The following IGLON5 variants were observed in gnomAD, a reference collection of about 807,000 sequenced individuals.
IGLON5 encodes the protein IgLON family member 5.
In IGLON5, 16 loss-of-function variants were observed where a neutral mutation model predicts 38.2. That is an observed-to-expected ratio of 0.42 (90% CI 0.28 to 0.64). The LOEUF is 0.64. IGLON5 is among the 30% of genes least tolerant of loss of function. The pLI is 0.23. For missense variants in IGLON5, 366 were observed against 483.4 expected (o/e 0.76, Z 2.28); for synonymous variants, 207 against 216.4 (o/e 0.96, Z 0.38).
intron 1 of IGLON5, among the ~76,000 whole-genome samples, chr19:51,317,240 A>C (rs575183048): frequency 6.6e-6 from 1 of 152,206 alleles, no homozygotes; most frequent in South Asian, 2.1e-4. Context: ...CCCTCTGATC[A>C]CCGCCAGACA....
chr19:51,315,688 C>CTTTTTTTTTTTTTTTTTTTTTTTT (rs756194855), intron 1 of IGLON5, among the ~76,000 whole-genome samples: 1 of 82,580 alleles, frequency 1.2e-5, no homozygotes, highest in African/African-American at 4.5e-5. Flanking sequence ...GGAAGTCAAC[C>CTTTTTTTTTTTTTTTTTTTTTTTT]TTTTTTTTTT....
At chr19:51,328,028 A>C in intron 7 of IGLON5, 142 bp downstream of exon 7, 1 of 886,048 alleles carries the variant, frequency 1.1e-6, no homozygotes, top group East Asian at 2.9e-5. Flanking sequence ...TGCGAGTAAG[A>C]AACCGATCCA....
rs1246784898 is a variant in IGLON5, at chr19:51,327,671, G to A, written c.768-61G>A. 9 of 1,534,864 alleles carry A rather than the reference G, an allele frequency of 5.9e-6. No homozygotes were observed. Among genetic ancestry groups the A allele is most frequent in the Non-Finnish European group, 7.9e-6 (9 of 1,146,474 alleles). Reference sequence around the variant, plus strand: ...GTCACCGGGGAACGGAGGAGCCTGAGAGTCGGGGGGCTGGCCTGGCTGGGC... The same window carrying A: ...GTCACCGGGGAACGGAGGAGCCTGAAAGTCGGGGGGCTGGCCTGGCTGGGC... On this transcript the variant is annotated intron_variant, in intron 6 of 7. Transcript: ENST00000270642. The surrounding 1 kb of genome is among the most constrained non-coding windows in gnomAD (Gnocchi z 7.1).
chr19:51,327,622 C>A lies in IGLON5; in HGVS notation c.768-110C>A. The A allele has an allele frequency of 6.9e-7, 1 of 1,457,988 alleles. No individual in the cohort carries two copies. Among genetic ancestry groups the A allele is most frequent in the Non-Finnish European group, 9.1e-7 (1 of 1,094,186 alleles). The allele number at this position is 1,457,988 out of a possible 1,614,324, so 90.3% of individuals were successfully genotyped here. On this transcript the variant is annotated intron_variant, in intron 6 of 7. Coordinates refer to ENST00000270642, the MANE Select transcript of IGLON5 (RefSeq NM_001101372.3). This position sits in a 1 kb window ranked among gnomAD's most constrained non-coding sequence, Gnocchi z 7.1. ...TGCTAGAACCCGAGGCGATGGGTCACTGGGGTAGGGGGCAGAATGCTGGGT... is the reference window on the plus strand; with the variant it reads ...TGCTAGAACCCGAGGCGATGGGTCAATGGGGTAGGGGGCAGAATGCTGGGT...
At chr19:51,323,605 G>C in intron 2 of IGLON5, 57 bp from the exon 3 acceptor site, 1 of 1,474,684 alleles carries the variant, frequency 6.8e-7, no homozygotes, top group East Asian at 2.4e-5. Flanking sequence ...CCCCTCGGTG[G>C]GGGAAGCCTC....
chr19:51,328,097 A>T (rs1285370847), intron 7 of IGLON5, among the ~76,000 whole-genome samples: 1 of 152,268 alleles, frequency 6.6e-6, no homozygotes, highest in East Asian at 1.9e-4. Context: ...GCAGCTGTGC[A>T]CAAAAGAAAC....
At position 51,311,814 on chromosome 19, in the gene IGLON5, C is replaced by CT; in HGVS notation, c.-31dup. 3.4e-6 allele frequency: 2 copies of CT among 590,514 alleles called. No individual in the cohort carries two copies. The highest frequency in any genetic ancestry group is 4.8e-6 in the Non-Finnish European group (2 of 416,818). The allele number at this position is 590,514 out of a possible 1,614,324, so 36.6% of individuals were successfully genotyped here. ...CTCGCGCGCCCCGGACCGGCCCCCC[C>CT]TTTCCCCTCCCCCTCCGCGCCGCCT... On this transcript the variant is annotated 5_prime_UTR_variant, in exon 1 of 8. Transcript: ENST00000270642.
Position 51,314,474 on chromosome 19 carries a change from G to C in IGLON5, c.79+2548G>C, listed in dbSNP as rs916639378. Among the ~76,000 whole-genome samples, 19 of 152,330 alleles carry C rather than the reference G, an allele frequency of 1.2e-4. 5 individuals are homozygous for C. Among genetic ancestry groups the C allele is most frequent in the East Asian group, 5.8e-4 (3 of 5,182 alleles). On this transcript the variant is annotated intron_variant, in intron 1 of 7. Coordinates refer to ENST00000270642, the MANE Select transcript of IGLON5 (RefSeq NM_001101372.3). ...GCTGGGATTACAGGCATGAGCCACTGTCTGGCCCCCACATTCATTCTTAAA... is the reference window on the plus strand; with the variant it reads ...GCTGGGATTACAGGCATGAGCCACTCTCTGGCCCCCACATTCATTCTTAAA...
chr19:51,326,948 C>T (rs777637415), intron 5 of IGLON5, 50 bp downstream of exon 5: 6 of 1,573,138 alleles, frequency 3.8e-6, no homozygotes, highest in Non-Finnish European at 5.2e-6. Context: ...CCCCGAGTCC[C>T]TGGGGAGGAG....
intron 2 of IGLON5, among the ~76,000 whole-genome samples, chr19:51,323,461 G>A (rs930385201): frequency 2.0e-5 from 3 of 152,070 alleles, no homozygotes; most frequent in African/African-American, 7.3e-5. Context: ...CTATTGTTCC[G>A]TTCTGCAGTT....
At position 51,327,489 on chromosome 19, in the gene IGLON5, T is replaced by A. The variant is rs1985246800; in HGVS notation, c.768-243T>A. Among the ~76,000 whole-genome samples the A allele has an allele frequency of 6.6e-6, 1 of 151,858 alleles. No individual in the cohort carries two copies. The highest frequency in any genetic ancestry group is 1.5e-5 in the Non-Finnish European group (1 of 67,958). On this transcript the variant is annotated intron_variant, in intron 6 of 7. Coordinates refer to ENST00000270642, the MANE Select transcript of IGLON5 (RefSeq NM_001101372.3). This position sits in a 1 kb window ranked among gnomAD's most constrained non-coding sequence, Gnocchi z 7.1. ...GGCAAGATTTAGGGGACCAGCAGAGTTCAGGAGTCCCTAACGACTAGGGGT... is the reference window on the plus strand; with the variant it reads ...GGCAAGATTTAGGGGACCAGCAGAGATCAGGAGTCCCTAACGACTAGGGGT...
rs989521851 is a variant in IGLON5, at chr19:51,324,450, A to G, written c.391+556A>G. 4.6e-5 allele frequency among the ~76,000 whole-genome samples: 7 copies of G among 152,140 alleles called. No individual in the cohort carries two copies. The highest frequency in any genetic ancestry group is 1.4e-4 in the African/African-American group (6 of 41,440). The stretch of plus-strand genomic sequence containing the variant: ...AGCTCCACAGTGAGGCGAGAGGCAG[A>G]GGGCATCTGAAATGGTGGAGGGTAG... On this transcript the variant is annotated intron_variant, in intron 3 of 7. Coordinates refer to ENST00000270642, the MANE Select transcript of IGLON5 (RefSeq NM_001101372.3). The surrounding 1 kb of genome is among the most constrained non-coding windows in gnomAD (Gnocchi z 4.2).
intron 1 of IGLON5, 69 bp from the exon 2 acceptor site, chr19:51,321,995 G>A (rs1179090277): frequency 1.6e-6 from 2 of 1,245,842 alleles, no homozygotes; most frequent in Non-Finnish European, 2.3e-6. Context: ...GTGTGCACAT[G>A]TGTGCAGGTG....
chr19:51,327,074 C>A lies in IGLON5; in HGVS notation c.647-6C>A. The A allele has an allele frequency of 6.2e-7, 1 of 1,604,482 alleles. No homozygotes were observed. The highest frequency in any genetic ancestry group is 2.2e-5 in the East Asian group (1 of 44,664). ...GGAGAATTCGCTGACCCTTGCCCCT[C>A]GCCAGATCCTCCGACCATCACGGAC... On this transcript the variant is annotated splice_region_variant and splice_polypyrimidine_tract_variant and intron_variant, in intron 5 of 7. Coordinates refer to ENST00000270642, the MANE Select transcript of IGLON5 (RefSeq NM_001101372.3). The surrounding 1 kb of genome is among the most constrained non-coding windows in gnomAD (Gnocchi z 7.1).
chr19:51,322,425 TCCAGAGAGAAGGGGACAGAGATC>T (rs1568458574), intron 2 of IGLON5, among the ~76,000 whole-genome samples: 37 of 144,254 alleles, frequency 2.6e-4, no homozygotes, highest in African/African-American at 9.1e-4. Flanking sequence ...GGGACAGAGA[TCCAGAGAGAAGGGGACAGAGATC>T]CAGAGAGAAG....
intron 1 of IGLON5, among the ~76,000 whole-genome samples, chr19:51,320,919 G>A (rs1484278352): frequency 6.6e-6 from 1 of 152,118 alleles, no homozygotes; most frequent in Non-Finnish European, 1.5e-5. Flanking sequence ...ATATATGTGT[G>A]TTTCTGTGTG....
chr19:51,322,507 AG>A (rs545862994), intron 2 of IGLON5, among the ~76,000 whole-genome samples: 103 of 147,712 alleles, frequency 7.0e-4, no homozygotes, highest in African/African-American at 2.3e-3. Context: ...AGAGAGGGAC[AG>A]GGTTGCTGTT....
intron 1 of IGLON5, among the ~76,000 whole-genome samples, chr19:51,312,161 G>A (rs1218644259): frequency 1.3e-5 from 2 of 152,142 alleles, no homozygotes; most frequent in African/African-American, 4.8e-5. Flanking sequence ...CCGGAGCCGG[G>A]TCTAGGGGCG....
At chr19:51,326,032 C>T (rs537721274) in intron 4 of IGLON5, among the ~76,000 whole-genome samples, 8 of 152,268 alleles carry the variant, frequency 5.3e-5, no homozygotes, top group Non-Finnish European at 8.8e-5. Context: ...CCACAAACGG[C>T]GCCAGAGTGC....
Sources: gnomAD v4.1 joint callset for allele counts (sites outside exome capture counted in the v4.1 genomes callset) on GRCh38, gnomAD v4.1.1 for gene constraint, Gnocchi (gnomAD v3.1) non-coding constraint, MANE v1.5 for transcripts, NCBI Gene and HGNC (gene_info 2026-07-23, HGNC 2026-07-21) for gene names.